The following KLHL3 variants were observed in gnomAD, a reference collection of about 807,000 sequenced individuals.
KLHL3 encodes kelch-like protein 3.
Under a neutral mutation model 70.5 loss-of-function variants are expected in KLHL3, and 19 were observed. The observed-to-expected ratio is 0.27, with a 90% CI of 0.19 to 0.40. The LOEUF (loss-of-function observed/expected upper bound fraction) is 0.40. KLHL3 is among the 10% of genes least tolerant of loss of function. KLHL3 has a pLI of 1.00. For synonymous variants in KLHL3, 258 were observed against 290.3 expected, an observed-to-expected ratio of 0.89 and a Z score of 1.13; for missense variants, 512 against 771.1, an observed-to-expected ratio of 0.66 and a Z score of 3.98.
At chr5:137,701,764 A>G (rs905690787) in intron 3 of KLHL3, among the ~76,000 whole-genome samples, 4 of 152,216 alleles carry the variant, frequency 2.6e-5, no homozygotes, top group African/African-American at 7.2e-5. Flanking sequence ...AGTTTGAGAA[A>G]ATATTTCCAG....
Position 137,677,670 on chromosome 5 carries a change from A to C in KLHL3, c.527-16T>G. On this transcript the variant is annotated splice_polypyrimidine_tract_variant and intron_variant, in intron 5 of 14. Transcript: ENST00000309755. Reference sequence around the variant, plus strand: ...AAGTGCTGCTCTGTTCCAAAAAAAAAAAAAAGAAGTTAAGAAAACAAAGTT... The same window carrying C: ...AAGTGCTGCTCTGTTCCAAAAAAAACAAAAAGAAGTTAAGAAAACAAAGTT... The C allele has an allele frequency of 6.6e-7, 1 of 1,515,140 alleles. No individual in the cohort carries two copies. Among genetic ancestry groups the C allele is most frequent in the Non-Finnish European group, 8.9e-7 (1 of 1,124,906 alleles). 93.9% of individuals were successfully genotyped at this position (1,515,140 alleles called of 1,614,324 possible).
chr5:137,639,214 T>C lies in KLHL3; in HGVS notation c.1022-64A>G. The C allele has an allele frequency of 6.6e-7, 1 of 1,511,394 alleles. No homozygotes were observed. The highest frequency in any genetic ancestry group is 9.1e-7 in the Non-Finnish European group (1 of 1,098,762). The allele number at this position is 1,511,394 out of a possible 1,614,324, so 93.6% of individuals were successfully genotyped here. On this transcript the variant is annotated intron_variant, in intron 9 of 14. Transcript: ENST00000309755. The surrounding 1 kb of genome is among the most constrained non-coding windows in gnomAD (Gnocchi z 5.0). ...GCGCATGACTGCTCATGTTGATGGA[T>C]GGCAATGGAGGAGCAAGACAGACAC...
At chr5:137,721,134 T>G (rs529458481) in intron 1 of KLHL3, 2 of 150,600 alleles carry the variant, frequency 1.3e-5, no homozygotes, top group African/African-American at 5.1e-5. Flanking sequence ...TGATAGCAGG[T>G]TGATGGAAAG....
rs997787023 is a variant in KLHL3 at position 137,698,969 on chromosome 5, T to C, written c.242-561A>G. Reference sequence around the variant, plus strand: ...ATTAATATTATTGCCATTTTACAGATGAAGAAACTGAGCACAGGAGGGTAG... The same window carrying C: ...ATTAATATTATTGCCATTTTACAGACGAAGAAACTGAGCACAGGAGGGTAG... On this transcript the variant is annotated intron_variant, in intron 3 of 14. Coordinates refer to ENST00000309755, the MANE Select transcript of KLHL3 (RefSeq NM_017415.3). Among the ~76,000 whole-genome samples, 3 of 152,150 alleles carry C rather than the reference T, an allele frequency of 2.0e-5. No individual in the cohort carries two copies. The South Asian group carries it at 6.2e-4, about 31-fold the overall frequency.
At chr5:137,671,300 T>C (rs1450207773) in intron 6 of KLHL3, among the ~76,000 whole-genome samples, 1 of 152,166 alleles carries the variant, frequency 6.6e-6, no homozygotes, top group Non-Finnish European at 1.5e-5. Context: ...ACTCAAAGAC[T>C]CTCTTTTCCA....
rs559167508 is a variant in KLHL3 at position 137,715,673 on chromosome 5, T to C, written c.134+4792A>G. Among the ~76,000 whole-genome samples, 38 of 152,208 alleles carry C rather than the reference T, an allele frequency of 2.5e-4. No homozygotes were observed. The South Asian group carries it at 7.5e-3, about 30-fold the overall frequency. On this transcript the variant is annotated intron_variant, in intron 2 of 14. Transcript: ENST00000309755. ...TCATCATCATCATCATCATCATAGC[T>C]AATGCTTACAGAATATTCATTATGT...
intron 4 of KLHL3, among the ~76,000 whole-genome samples, chr5:137,695,554 G>A (rs1343513278): frequency 6.6e-6 from 1 of 152,186 alleles, no homozygotes. Flanking sequence ...CAGACTCTGG[G>A]TCTCAGGGAT....
chr5:137,630,494 C>T (rs1375000218), intron 12 of KLHL3, among the ~76,000 whole-genome samples: 2 of 152,178 alleles, frequency 1.3e-5, no homozygotes, highest in South Asian at 2.1e-4. Flanking sequence ...CCCAGGCTTT[C>T]GGCCCTAGGA....
intron 1 of KLHL3, among the ~76,000 whole-genome samples, chr5:137,721,787 GA>G (rs1231513801): frequency 6.6e-6 from 1 of 152,156 alleles, no homozygotes; most frequent in Admixed American, 6.5e-5. Context: ...TCTGTCTCTT[GA>G]AAAAGTGAAA....
rs1045906480 is a variant in KLHL3, at chr5:137,618,894, T to TAAAAAAAAAAAAAAAAAAAAAA, written c.*3203_*3204insTTTTTTTTTTTTTTTTTTTTTT. 6.8e-6 allele frequency: 1 copy of TAAAAAAAAAAAAAAAAAAAAAA among 146,210 alleles called. No homozygotes were observed. The highest frequency in any genetic ancestry group is 1.5e-5 in the Non-Finnish European group (1 of 66,988). The allele number at this position is 146,210 out of a possible 1,614,324, so 9.1% of individuals were successfully genotyped here. On this transcript the variant is annotated 3_prime_UTR_variant, in exon 15 of 15. Transcript: ENST00000309755. Reference sequence around the variant, plus strand: ...CAGACTCCCTTGAATATGGTATTTTTAAAAAAAAAAAAAAGGCTCATCTAC... The same window carrying TAAAAAAAAAAAAAAAAAAAAAA: ...CAGACTCCCTTGAATATGGTATTTTTAAAAAAAAAAAAAAAAAAAAAAAAAAAAAAAAAAAAGGCTCATCTAC...
At chr5:137,668,165 G>A (rs1219896209) in intron 6 of KLHL3, among the ~76,000 whole-genome samples, 11 of 152,196 alleles carry the variant, frequency 7.2e-5, no homozygotes, top group Non-Finnish European at 1.5e-4. Flanking sequence ...TACTGTGGGA[G>A]GCCGAGGAGG....
chr5:137,727,053 T>G (rs1324171622), intron 1 of KLHL3, among the ~76,000 whole-genome samples: 1 of 152,144 alleles, frequency 6.6e-6, no homozygotes, highest in Non-Finnish European at 1.5e-5. Flanking sequence ...AATGTCTTAT[T>G]TGACTCCCCT....
chr5:137,675,550 G>A (rs1298387671), intron 6 of KLHL3, among the ~76,000 whole-genome samples: 1 of 151,924 alleles, frequency 6.6e-6, no homozygotes, highest in Non-Finnish European at 1.5e-5. Context: ...TAAATTTAAG[G>A]AAACTAAGGT....
chr5:137,618,181 A>G lies in KLHL3; in HGVS notation c.*3917T>C, dbSNP rs1756278782. 6.6e-6 allele frequency: 1 copy of G among 152,588 alleles called. No individual in the cohort carries two copies. Among genetic ancestry groups the G allele is most frequent in the South Asian group, 2.1e-4 (1 of 4,826 alleles). The allele number at this position is 152,588 out of a possible 1,614,324, so 9.5% of individuals were successfully genotyped here. On this transcript the variant is annotated 3_prime_UTR_variant, in exon 15 of 15. Coordinates refer to ENST00000309755, the MANE Select transcript of KLHL3 (RefSeq NM_017415.3). ...CTCTAAATAGTGCAAACGCTTAAAA[A>G]AATTACATTCTAACCTCCTTGCTTC...
chr5:137,663,449 T>C (rs192298020), intron 6 of KLHL3, among the ~76,000 whole-genome samples: 75 of 152,028 alleles, frequency 4.9e-4, no homozygotes, highest in African/African-American at 1.8e-3. Context: ...GCACATAACC[T>C]CCGCACATCC....
Position 137,663,150 on chromosome 5 carries a change from CG to C in KLHL3, c.637-1120del, listed in dbSNP as rs1371857064. Among the ~76,000 whole-genome samples, 3 of 150,836 alleles carry C rather than the reference CG, an allele frequency of 2.0e-5. No homozygotes were observed. In the East Asian group the frequency reaches 5.9e-4, roughly 29 times the overall value. On this transcript the variant is annotated intron_variant, in intron 6 of 14. Coordinates refer to ENST00000309755, the MANE Select transcript of KLHL3 (RefSeq NM_017415.3). ...TTGGCTCACTGCAACCTCCACCTCC[CG>C]GGTTAAGTGATTCTCCCGTCTCAGC... is the stretch of plus-strand genomic sequence containing the variant.
At chr5:137,692,834 A>G (rs908382010) in intron 4 of KLHL3, 7 of 225,100 alleles carry the variant, frequency 3.1e-5, no homozygotes, top group South Asian at 1.5e-4. Context: ...ACACACACAC[A>G]CACACACACA....
intron 5 of KLHL3, among the ~76,000 whole-genome samples, chr5:137,691,401 C>A (rs1266555580): frequency 6.6e-6 from 1 of 152,128 alleles, no homozygotes; most frequent in Non-Finnish European, 1.5e-5. Context: ...GAGAAGTCAA[C>A]AAATAATATC....
At chr5:137,628,031 C>T (rs1750523169) in intron 13 of KLHL3, 1 of 465,288 alleles carries the variant, frequency 2.1e-6, no homozygotes, top group Non-Finnish European at 3.9e-6. Context: ...CAGGTCTGTG[C>T]TCATCTGTGT....
Sources: allele counts gnomAD v4.1 joint callset (sites outside exome capture counted in the v4.1 genomes callset), GRCh38; gene constraint gnomAD v4.1.1; non-coding constraint Gnocchi (gnomAD v3.1); transcripts MANE v1.5; gene names NCBI Gene and HGNC (gene_info 2026-07-23, HGNC 2026-07-21).